IL1RAPL1: variants seen among roughly 807,000 people sequenced by gnomAD.
IL1RAPL1 encodes the protein interleukin-1 receptor accessory protein-like 1.
IL1RAPL1 carries 3 observed loss-of-function variants against 48.4 expected under a neutral mutation model. The observed-to-expected ratio is 0.06, with a 90% CI of 0.03 to 0.16. The LOEUF (loss-of-function observed/expected upper bound fraction) is 0.16. IL1RAPL1 is among the 10% of genes least tolerant of loss of function. The probability of loss-of-function intolerance (pLI) is 1.00; values close to 1 mark genes in which losing one functional copy is unlikely to be tolerated. For missense variants in IL1RAPL1, 349 were observed against 530.6 expected, an observed-to-expected ratio of 0.66 and a Z score of 3.36; for synonymous variants, 185 against 187.7, an observed-to-expected ratio of 0.99 and a Z score of 0.12.
intron 2 of IL1RAPL1, among the ~76,000 whole-genome samples, chrX:29,193,548 CTT>C (rs1046530671): frequency 5.4e-5 from 6 of 110,535 alleles, no homozygotes; most frequent in Admixed American, 9.8e-5. Context: ...TAAAACTACT[CTT>C]TTATAGAAAG....
chrX:29,791,605 G>A (rs1235640911), intron 6 of IL1RAPL1, among the ~76,000 whole-genome samples: 9 of 108,017 alleles, frequency 8.3e-5, no homozygotes, highest in Non-Finnish European at 1.5e-4. Flanking sequence ...TGTATTTTTA[G>A]TAGATATGGG....
intron 5 of IL1RAPL1, among the ~76,000 whole-genome samples, chrX:29,476,869 A>ATTTTTTTTTTTTTT (rs1934980303): frequency 1.2e-4 from 6 of 49,336 alleles, no homozygotes; most frequent in African/African-American, 1.9e-4. Context: ...TTTTACCCAT[A>ATTTTTTTTTTTTTT]TTCTTTTTTT....
chrX:29,567,794 T>C (rs1922458470), intron 5 of IL1RAPL1, among the ~76,000 whole-genome samples: 2 of 111,213 alleles, frequency 1.8e-5, no homozygotes, highest in African/African-American at 6.5e-5. Context: ...TACAAATGCT[T>C]CATTTGTTCA....
At chrX:29,888,021 G>A (rs913295300) in intron 6 of IL1RAPL1, among the ~76,000 whole-genome samples, 5 of 111,523 alleles carry the variant, frequency 4.5e-5, no homozygotes, top group African/African-American at 1.6e-4. Context: ...CATTTTCACT[G>A]TAATAATTCT....
intron 2 of IL1RAPL1, among the ~76,000 whole-genome samples, chrX:28,875,435 C>A (rs772806747): frequency 8.9e-6 from 1 of 112,164 alleles, no homozygotes; most frequent in Non-Finnish European, 1.9e-5. Flanking sequence ...AATGAACAGC[C>A]CCGAATATGA....
intron 2 of IL1RAPL1, among the ~76,000 whole-genome samples, chrX:29,178,334 G>T (rs367625346): frequency 1.8e-5 from 2 of 112,022 alleles, no homozygotes; most frequent in Non-Finnish European, 3.8e-5. Context: ...TTGCATTTCT[G>T]TGATGACCAG....
rs996575392 is a variant in IL1RAPL1 at position 29,936,814 on chromosome X, CTTTAT to C, written c.1058-4832_1058-4828del. Reference sequence around the variant, plus strand: ...TCAATATACTAAGAGATGGCACGCACTTTATTTTAATTAGCTGTTTCTTTTAAGGG... The same window carrying C: ...TCAATATACTAAGAGATGGCACGCACTTTAATTAGCTGTTTCTTTTAAGGG... On this transcript the variant is annotated intron_variant, in intron 8 of 10. Transcript: ENST00000378993. Among the ~76,000 whole-genome samples the C allele has an allele frequency of 5.4e-5, 6 of 111,692 alleles. No individual in the cohort carries two copies. The South Asian group carries it at 2.3e-3, about 42-fold the overall frequency.
intron 2 of IL1RAPL1, among the ~76,000 whole-genome samples, chrX:29,019,235 A>T (rs1926308259): frequency 9.0e-6 from 1 of 111,720 alleles, no homozygotes; most frequent in African/African-American, 3.3e-5. Context: ...TTGGGTGGGG[A>T]CATAGCCAAT....
intron 2 of IL1RAPL1, among the ~76,000 whole-genome samples, chrX:28,864,765 C>T (rs1371681445): frequency 9.0e-6 from 1 of 111,315 alleles, no homozygotes; most frequent in Non-Finnish European, 1.9e-5. Context: ...CATTTAGGGC[C>T]TCGTGGGCTG....
At chrX:28,656,035 C>T (rs907405354) in intron 1 of IL1RAPL1, among the ~76,000 whole-genome samples, 1 of 111,803 alleles carries the variant, frequency 8.9e-6, no homozygotes, top group Non-Finnish European at 1.9e-5. Context: ...AACAGATACA[C>T]GGCCATGATG....
At chrX:28,763,029 T>C (rs1243899583) in intron 1 of IL1RAPL1, among the ~76,000 whole-genome samples, 2 of 111,608 alleles carry the variant, frequency 1.8e-5, no homozygotes, top group African/African-American at 6.5e-5. Context: ...TCCAAGCTAG[T>C]ATCTCCATGT....
At chrX:29,513,050 T>C (rs190920978) in intron 5 of IL1RAPL1, among the ~76,000 whole-genome samples, 2 of 112,162 alleles carry the variant, frequency 1.8e-5, no homozygotes, top group African/African-American at 6.5e-5. Context: ...AGACAAGTAA[T>C]TGGGCTCTCT....
intron 6 of IL1RAPL1, among the ~76,000 whole-genome samples, chrX:29,691,937 A>T (rs1926785514): frequency 1.8e-5 from 2 of 112,030 alleles, no homozygotes; most frequent in African/African-American, 6.5e-5. Flanking sequence ...AACCAATGCA[A>T]ATGTGCAATA....
intron 3 of IL1RAPL1, among the ~76,000 whole-genome samples, chrX:29,387,988 G>A (rs1293734391): frequency 7.8e-5 from 8 of 102,707 alleles, no homozygotes; most frequent in Non-Finnish European, 1.6e-4. Context: ...GCAAGACTCT[G>A]TCTGAAAAAA....
chrX:28,695,033 A>G (rs1023659498), intron 1 of IL1RAPL1, among the ~76,000 whole-genome samples: 1 of 110,989 alleles, frequency 9.0e-6, no homozygotes, highest in African/African-American at 3.3e-5. Flanking sequence ...CTTGGGCTCA[A>G]CCTTGACCCC....
At chrX:29,640,622 T>C (rs1314520190) in intron 5 of IL1RAPL1, among the ~76,000 whole-genome samples, 3 of 112,000 alleles carry the variant, frequency 2.7e-5, no homozygotes, top group Non-Finnish European at 5.6e-5. Flanking sequence ...AGCCAAAGCC[T>C]TGTGATCATC....
chrX:29,849,695 C>A (rs1931322804), intron 6 of IL1RAPL1, among the ~76,000 whole-genome samples: 1 of 111,295 alleles, frequency 9.0e-6, no homozygotes. Context: ...GCTCTTGAAG[C>A]CTGAAGAAGC....
chrX:29,934,067 A>G (rs1932991750), intron 8 of IL1RAPL1, among the ~76,000 whole-genome samples: 1 of 111,536 alleles, frequency 9.0e-6, no homozygotes, highest in African/African-American at 3.3e-5. Flanking sequence ...GGAACAGGAA[A>G]TACATGTTCT....
chrX:28,728,190 A>T (rs1397451377), intron 1 of IL1RAPL1, among the ~76,000 whole-genome samples: 1 of 112,248 alleles, frequency 8.9e-6, no homozygotes, highest in African/African-American at 3.2e-5. Context: ...AACACTGTAC[A>T]GTTATTGTTG....
Sources: gnomAD v4.1 joint callset for allele counts (sites outside exome capture counted in the v4.1 genomes callset) on GRCh38, gnomAD v4.1.1 for gene constraint, MANE v1.5 for transcripts, NCBI Gene and HGNC (gene_info 2026-07-23, HGNC 2026-07-21) for gene names.